LRRN4CL: variants seen among roughly 807,000 people sequenced by gnomAD.
The protein encoded by LRRN4CL is LRRN4 C-terminal-like protein.
For synonymous variants in LRRN4CL, 156 were observed against 154.1 expected (o/e 1.01, Z -0.09); for missense variants, 348 against 336.4 (o/e 1.03, Z -0.27).
chr11:62,688,816 T>G (rs1446861112), intron 1 of LRRN4CL, among the ~76,000 whole-genome samples: 1 of 152,056 alleles, frequency 6.6e-6, no homozygotes, highest in Non-Finnish European at 1.5e-5. Flanking sequence ...AGGACATGAT[T>G]TACTTAGCCC....
Position 62,688,018 on chromosome 11 carries a change from A to G in LRRN4CL, c.491T>C (p.Val164Ala). The G allele has an allele frequency of 6.2e-7, 1 of 1,612,368 alleles. No individual in the cohort carries two copies. The highest frequency in any genetic ancestry group is 8.5e-7 in the Non-Finnish European group (1 of 1,179,810). ...VAANEAGASR[V>A]PQAGGEGLEG... is the part of the protein sequence containing the mutation. The stretch of plus-strand genomic sequence containing the variant: ...GAGGCCCTCTCCTCCAGCCTGGGGC[A>G]CGCGGCTTGCCCCGGCCTCGTTAGC... Residue 164 changes from valine (V) to alanine (A), a missense_variant, in exon 2 of 2, where the codon GTG becomes GCG. Physicochemically the swap from Val to Ala is moderately conservative, Grantham distance 64 (BLOSUM62 0). Transcript: ENST00000317449.
chr11:62,688,067 T>C lies in LRRN4CL; in HGVS notation c.442A>G (p.Ile148Val), dbSNP rs763841272. Residue 148 changes from isoleucine (I) to valine (V), a missense_variant, in exon 2 of 2, where the codon ATT (isoleucine) becomes GTT (valine). Coordinates refer to ENST00000317449, the MANE Select transcript of LRRN4CL (RefSeq NM_203422.4). ...AELKGLKPGG[I>V]YVVCVVAANE... ...GCGGCCACTACGCAAACGACATAAA[T>C]GCCCCCTGGCTTCAGCCCCTTCAGT... The C allele has an allele frequency of 3.2e-5, 51 of 1,612,536 alleles. No homozygotes were observed. The highest frequency in any genetic ancestry group is 3.8e-5 in the Non-Finnish European group (45 of 1,179,880).
Position 62,688,315 on chromosome 11 carries a change from C to G in LRRN4CL, c.194G>C (p.Arg65Thr). The G allele has an allele frequency of 6.2e-7, 1 of 1,609,486 alleles. No homozygotes were observed. Among genetic ancestry groups the G allele is most frequent in the South Asian group, 1.1e-5 (1 of 91,014 alleles). Residue 65 changes from arginine to threonine, a missense_variant, in exon 2 of 2, where the codon AGG becomes ACG. Transcript: ENST00000317449. ...HLQVPCKELQRVGPAACLCPG... is the reference protein window; with the variant it reads ...HLQVPCKELQTVGPAACLCPG... ...GCACAGGCAGGCCGCCGGCCCGACCCTCTGTAGCTCCTTGCAGGGCACCTG... is the reference window on the plus strand; with the variant it reads ...GCACAGGCAGGCCGCCGGCCCGACCGTCTGTAGCTCCTTGCAGGGCACCTG...
rs756713805 is a variant in LRRN4CL, at chr11:62,688,396, G to T, written c.113C>A (p.Thr38Lys). The T allele has an allele frequency of 6.2e-7, 1 of 1,603,558 alleles. No homozygotes were observed. Reference sequence around the variant, plus strand: ...GACAGCCGGCAAAGGCGGCCACGCCGTCTCAGTCTCATCTGCCTCCTCTTC... The same window carrying T: ...GACAGCCGGCAAAGGCGGCCACGCCTTCTCAGTCTCATCTGCCTCCTCTTC... ...FEEEEADETE[T>K]AWPPLPAVPC... Residue 38 changes from threonine to lysine, a missense_variant, in exon 2 of 2, where the codon ACG (threonine) becomes AAG (lysine). By Grantham distance (78) the Thr-to-Lys change is moderately conservative (BLOSUM62 -1). Coordinates refer to ENST00000317449, the MANE Select transcript of LRRN4CL (RefSeq NM_203422.4).
At chr11:62,688,645 A>C in intron 1 of LRRN4CL, 132 bp from the exon 2 acceptor site, 1 of 711,016 alleles carries the variant, frequency 1.4e-6, no homozygotes, top group Non-Finnish European at 2.3e-6. Context: ...GGAATGAGGC[A>C]GACACACTCA....
intron 1 of LRRN4CL, 65 bp from the exon 2 acceptor site, chr11:62,688,578 G>A: frequency 8.0e-7 from 1 of 1,257,764 alleles, no homozygotes; most frequent in Admixed American, 2.6e-5. Flanking sequence ...CCCTCTGCCT[G>A]GACACAATCT....
In LRRN4CL at chr11:62,687,684, G is replaced by T; in HGVS notation, c.*108C>A. 2.0e-6 allele frequency: 2 copies of T among 977,202 alleles called. No individual in the cohort carries two copies. Among genetic ancestry groups the T allele is most frequent in the Non-Finnish European group, 2.7e-6 (2 of 727,328 alleles). 60.5% of individuals were successfully genotyped at this position (977,202 alleles called of 1,614,324 possible). On this transcript the variant is annotated 3_prime_UTR_variant, in exon 2 of 2. Coordinates refer to ENST00000317449, the MANE Select transcript of LRRN4CL (RefSeq NM_203422.4). ...CCCTGGAGCCTGGGGCTGGCTCCCA[G>T]CTCGCCGTCCAGCCCTCCCTGGAGG...
In LRRN4CL at chr11:62,688,276, C is replaced by A; in HGVS notation, c.233G>T (p.Ser78Ile). The A allele has an allele frequency of 6.2e-7, 1 of 1,609,310 alleles. No homozygotes were observed. The highest frequency in any genetic ancestry group is 8.5e-7 in the Non-Finnish European group (1 of 1,178,832). ...CGGCGGGTCGGGCGGCTGGGCGGGG[C>A]TGGAGAGTCCTGGGCACAGGCAGGC... ...PAACLCPGLSSPAQPPDPPRM... is the reference protein window; with the variant it reads ...PAACLCPGLSIPAQPPDPPRM... The change falls in exon 2 of 2, where the codon AGC (serine) becomes ATC (isoleucine). Residue 78 changes from serine (S) to isoleucine (I), a missense_variant. Physicochemically the swap from Ser to Ile is moderately radical, Grantham distance 142. Coordinates refer to ENST00000317449, the MANE Select transcript of LRRN4CL (RefSeq NM_203422.4).
rs1273433219 is a variant in LRRN4CL, at chr11:62,688,197, C to T, written c.312G>A (p.Trp104Ter). 2 of 1,612,352 alleles carry T rather than the reference C, an allele frequency of 1.2e-6. No individual in the cohort carries two copies. The highest frequency in any genetic ancestry group is 1.7e-5 in the Admixed American group (1 of 59,960). The change falls in exon 2 of 2, where the codon TGG (tryptophan) becomes TGA (stop). Residue 104 changes from tryptophan (W) to a stop codon, truncating the protein, a stop_gained. Transcript: ENST00000317449. LOFTEE classifies it low-confidence loss of function (END_TRUNC). ...GGAGGACCGGGGAGAAGGGGGCACA[C>T]CAGTGGACCACTGCGCGGCCCTCTT... ...AAEEGRAVVHWCAPFSPVLHY... is the reference protein window; with the variant it reads ...AAEEGRAVVH
At position 62,688,358 on chromosome 11, in the gene LRRN4CL, C is replaced by T. The variant is rs1342368994; in HGVS notation, c.151G>A (p.Asp51Asn). ...PPLPAVPCDY[D>N]HCRHLQVPCK... ...GGCACCTGCAGGTGTCGGCAGTGGT[C>T]GTAGTCGCAGGGGACAGCCGGCAAA... Residue 51 changes from aspartate to asparagine, a missense_variant, in exon 2 of 2, where the codon GAC (aspartate) becomes AAC (asparagine). Coordinates refer to ENST00000317449, the MANE Select transcript of LRRN4CL (RefSeq NM_203422.4). The T allele has an allele frequency of 6.2e-7, 1 of 1,607,984 alleles. No individual in the cohort carries two copies. The highest frequency in any genetic ancestry group is 8.5e-7 in the Non-Finnish European group (1 of 1,179,982).
Position 62,687,809 on chromosome 11 carries a change from C to T in LRRN4CL, c.700G>A (p.Ala234Thr). The part of the protein sequence containing the change: ...WGCPRRAAAR[A>T]AGAL ...GGCCCCTTTCAGAGCGCCCCTGCGG[C>T]TCGGGCGGCGGCTCGGCGCGGGCAG... is the stretch of plus-strand genomic sequence containing the variant. The change falls in exon 2 of 2, where the codon GCC becomes ACC. Residue 234 changes from alanine (A) to threonine (T), a missense_variant. Physicochemically the swap from Ala to Thr is moderately conservative, Grantham distance 58. Transcript: ENST00000317449. The T allele has an allele frequency of 2.1e-6, 3 of 1,396,868 alleles. No homozygotes were observed. The highest frequency in any genetic ancestry group is 2.8e-6 in the Non-Finnish European group (3 of 1,086,752). The allele number at this position is 1,396,868 out of a possible 1,614,324, so 86.5% of individuals were successfully genotyped here. A position where few individuals can be genotyped will look rare whatever the true frequency, so the allele number is the denominator to read the frequency against.
In LRRN4CL at chr11:62,689,413, T is replaced by A. The variant is rs896608027; in HGVS notation, c.-6+14A>T. 6.6e-6 allele frequency: 1 copy of A among 152,610 alleles called. No homozygotes were observed. The highest frequency in any genetic ancestry group is 1.5e-5 in the Non-Finnish European group (1 of 68,302). 9.5% of individuals were successfully genotyped at this position (152,610 alleles called of 1,614,324 possible). ...TGCCTCCCTCCTCCTCTCTGGCCCA[T>A]AGCAGCTCCTCACCAGTGGGTAGGC... On this transcript the variant is annotated intron_variant, in intron 1 of 1. Transcript: ENST00000317449.
In LRRN4CL at chr11:62,688,311, G is replaced by A. The variant is rs745704878; in HGVS notation, c.198C>T (p.Val66=). The change falls in exon 2 of 2, where the codon GTC becomes GTT. Residue 66 remains valine (V), a synonymous_variant. Coordinates refer to ENST00000317449, the MANE Select transcript of LRRN4CL (RefSeq NM_203422.4). ...CTGGGCACAGGCAGGCCGCCGGCCCGACCCTCTGTAGCTCCTTGCAGGGCA... is the reference window on the plus strand; with the variant it reads ...CTGGGCACAGGCAGGCCGCCGGCCCAACCCTCTGTAGCTCCTTGCAGGGCA... ...LQVPCKELQR[V]GPAACLCPGL... is the part of the protein sequence containing the mutation. The A allele has an allele frequency of 2.5e-6, 4 of 1,609,096 alleles. No individual in the cohort carries two copies. Among genetic ancestry groups the A allele is most frequent in the Non-Finnish European group, 3.4e-6 (4 of 1,179,494 alleles).
intron 1 of LRRN4CL, among the ~76,000 whole-genome samples, chr11:62,689,043 A>G (rs1212329775): frequency 1.3e-5 from 2 of 152,154 alleles, no homozygotes; most frequent in Admixed American, 1.3e-4. Context: ...AAATTATTAA[A>G]AAGTTAAAAA....
At position 62,688,232 on chromosome 11, in the gene LRRN4CL, T is replaced by G; in HGVS notation, c.277A>C (p.Ile93Leu). The G allele has an allele frequency of 6.2e-7, 1 of 1,611,716 alleles. No homozygotes were observed. Among genetic ancestry groups the G allele is most frequent in the South Asian group, 1.1e-5 (1 of 90,988 alleles). The change falls in exon 2 of 2, where the codon ATT (isoleucine) becomes CTT (leucine). Residue 93 changes from isoleucine (I) to leucine (L), a missense_variant. Transcript: ENST00000317449. Reference protein sequence around the residue: ...PDPPRMGEVRIAAEEGRAVVH... With the variant: ...PDPPRMGEVRLAAEEGRAVVH... ...ACTGCGCGGCCCTCTTCGGCCGCAA[T>G]GCGCACTTCTCCCATGCGCGGCGGG...
At position 62,687,817 on chromosome 11, in the gene LRRN4CL, G is replaced by C. The variant is rs1401841093; in HGVS notation, c.692C>G (p.Ala231Gly). The C allele has an allele frequency of 7.9e-6, 11 of 1,398,048 alleles. No homozygotes were observed. The highest frequency in any genetic ancestry group is 1.0e-5 in the Non-Finnish European group (11 of 1,087,286). 86.6% of individuals were successfully genotyped at this position (1,398,048 alleles called of 1,614,324 possible). Residue 231 changes from alanine (A) to glycine (G), a missense_variant, in exon 2 of 2, where the codon GCC becomes GGC. Physicochemically the swap from Ala to Gly is moderately conservative, Grantham distance 60 (BLOSUM62 0). Transcript: ENST00000317449. ...TCAGAGCGCCCCTGCGGCTCGGGCG[G>C]CGGCTCGGCGCGGGCAGCCCCAGCG... ...RDRWGCPRRAAARAAGAL is the reference protein window; with the variant it reads ...RDRWGCPRRAGARAAGAL
In LRRN4CL at chr11:62,687,443, T is replaced by A; in HGVS notation, c.*349A>T. Reference sequence around the variant, plus strand: ...ATTACTAAGTCAGGTCGTTTTTACATTTTTAAATGGTTACAAAGGTCATAT... The same window carrying A: ...ATTACTAAGTCAGGTCGTTTTTACAATTTTAAATGGTTACAAAGGTCATAT... On this transcript the variant is annotated 3_prime_UTR_variant, in exon 2 of 2. Transcript: ENST00000317449. 1.8e-4 allele frequency: 41 copies of A among 229,556 alleles called. No individual in the cohort carries two copies. Among genetic ancestry groups the A allele is most frequent in the East Asian group, 4.1e-4 (5 of 12,242 alleles). The allele number at this position is 229,556 out of a possible 1,614,324, so 14.2% of individuals were successfully genotyped here.
chr11:62,687,117 A>C lies in LRRN4CL; in HGVS notation c.*675T>G, dbSNP rs1416894376. The C allele has an allele frequency of 6.6e-6, 1 of 151,992 alleles. No individual in the cohort carries two copies. Among genetic ancestry groups the C allele is most frequent in the Non-Finnish European group, 1.5e-5 (1 of 67,960 alleles). The allele number at this position is 151,992 out of a possible 1,614,324, so 9.4% of individuals were successfully genotyped here. On this transcript the variant is annotated 3_prime_UTR_variant, in exon 2 of 2. Coordinates refer to ENST00000317449, the MANE Select transcript of LRRN4CL (RefSeq NM_203422.4). ...AACATGGTGAAACCCCGTCTCTACT[A>C]AAAAAACACAAAAATTAGCCGGGCA...
chr11:62,689,078 C>T (rs961146971), intron 1 of LRRN4CL, among the ~76,000 whole-genome samples: 3 of 152,090 alleles, frequency 2.0e-5, no homozygotes, highest in Non-Finnish European at 4.4e-5. Context: ...CTGCACATGC[C>T]TGTGGTCCCT....
Sources: allele counts gnomAD v4.1 joint callset (sites outside exome capture counted in the v4.1 genomes callset), GRCh38; gene constraint gnomAD v4.1.1; transcripts MANE v1.5; gene names NCBI Gene and HGNC (gene_info 2026-07-23, HGNC 2026-07-21).